The following TMEM62 variants were observed in gnomAD, a reference collection of about 807,000 sequenced individuals.
TMEM62 encodes transmembrane protein 62.
Under a neutral mutation model 70.4 loss-of-function variants are expected in TMEM62, and 41 were observed. That is an observed-to-expected ratio of 0.58 (90% CI 0.45 to 0.76). The LOEUF (loss-of-function observed/expected upper bound fraction) is 0.76. Ranked by LOEUF, TMEM62 falls within the 30% of genes least tolerant of loss-of-function variation. The pLI is 0.00. For synonymous variants in TMEM62, 268 were observed against 291.0 expected (o/e 0.92, Z 0.80); for missense variants, 688 against 788.5 (o/e 0.87, Z 1.53).
At chr15:43,165,893 T>C (rs2039355579) in intron 10 of TMEM62, among the ~76,000 whole-genome samples, 2 of 152,238 alleles carry the variant, frequency 1.3e-5, no homozygotes, top group African/African-American at 4.8e-5. Context: ...CACATAACTC[T>C]GTCACTCCAG....
At chr15:43,142,109 T>C (rs967762500) in intron 4 of TMEM62, among the ~76,000 whole-genome samples, 2 of 152,128 alleles carry the variant, frequency 1.3e-5, no homozygotes, top group Admixed American at 6.5e-5. Flanking sequence ...TTGGAGAGGA[T>C]TGGATTTCTT....
At chr15:43,167,792 T>C (rs889899718) in intron 10 of TMEM62, among the ~76,000 whole-genome samples, 14 of 152,214 alleles carry the variant, frequency 9.2e-5, no homozygotes, top group African/African-American at 3.4e-4. Flanking sequence ...GTCGAGGTTG[T>C]AGCGAGCCGA....
intron 12 of TMEM62, chr15:43,180,955 T>C (rs8040769): frequency 0.03 from 13,813 of 460,870 alleles, 1,435 homozygotes; most frequent in African/African-American, 0.23. Flanking sequence ...ATATCTGTTC[T>C]AGGTATAGTG....
At chr15:43,167,821 C>T (rs2039700090) in intron 10 of TMEM62, among the ~76,000 whole-genome samples, 1 of 152,200 alleles carries the variant, frequency 6.6e-6, no homozygotes, top group Admixed American at 6.5e-5. Context: ...CACTGCACTC[C>T]AGCCTGGGCA....
chr15:43,147,068 A>G (rs1194555081), intron 5 of TMEM62, among the ~76,000 whole-genome samples: 2 of 152,170 alleles, frequency 1.3e-5, no homozygotes, highest in Non-Finnish European at 2.9e-5. Context: ...GGCTCAAGCA[A>G]TTCTTGTGCC....
chr15:43,168,682 G>T (rs1028373425), intron 10 of TMEM62, among the ~76,000 whole-genome samples: 3 of 152,148 alleles, frequency 2.0e-5, no homozygotes, highest in Admixed American at 2.0e-4. Flanking sequence ...GAGAGTTGGG[G>T]GATGGGTGAC....
At position 43,146,562 on chromosome 15, in the gene TMEM62, G is replaced by A. The variant is rs952983721; in HGVS notation, c.546G>A (p.Ser182=). 3.1e-6 allele frequency: 5 copies of A among 1,613,254 alleles called. No individual in the cohort carries two copies. The highest frequency in any genetic ancestry group is 4.5e-5 in the East Asian group (2 of 44,876). ...YVHSTPFGNY[S]FICVDATVNP... is the part of the protein sequence containing the mutation. ...ACAGTACTCCCTTTGGCAACTATTC[G>A]TTCATCTGTGTAGATGCCACTGTAA... The change falls in exon 5 of 14, where the codon TCG becomes TCA. Residue 182 remains serine, a synonymous_variant. Transcript: ENST00000260403.
chr15:43,164,553 T>A (rs1333017087), intron 10 of TMEM62, among the ~76,000 whole-genome samples: 1 of 150,780 alleles, frequency 6.6e-6, no homozygotes, highest in Non-Finnish European at 1.5e-5. Flanking sequence ...AGAGACGGGG[T>A]CTCACTTTGT....
chr15:43,136,830 C>T (rs1358348743), intron 3 of TMEM62, among the ~76,000 whole-genome samples: 2 of 152,098 alleles, frequency 1.3e-5, no homozygotes, highest in Non-Finnish European at 2.9e-5. Flanking sequence ...TAGCTCATTG[C>T]AGCCTTGACC....
Position 43,181,277 on chromosome 15 carries a change from C to T in TMEM62, c.1583C>T (p.Thr528Ile), listed in dbSNP as rs551716295. 148 of 1,611,680 alleles carry T rather than the reference C, an allele frequency of 9.2e-5. 1 individual carries two copies. The South Asian group carries it at 1.5e-3, about 16-fold the overall frequency. ...GGACATTTCCTACAAGGCAGCATAA[C>T]ATTTATAATTGGAATTCTCCAGGTA... ...VNGHFLQGSI[T>I]FIIGILQLAF... Residue 528 changes from threonine to isoleucine, a missense_variant, in exon 13 of 14, where the codon ACA (threonine) becomes ATA (isoleucine). Coordinates refer to ENST00000260403, the MANE Select transcript of TMEM62 (RefSeq NM_024956.4).
chr15:43,140,855 G>A (rs866877568), intron 4 of TMEM62, among the ~76,000 whole-genome samples: 2 of 152,138 alleles, frequency 1.3e-5, no homozygotes, highest in African/African-American at 2.4e-5. Flanking sequence ...ACCCGCGCCC[G>A]GCTTCTGATA....
chr15:43,173,744 C>G (rs573272499), intron 11 of TMEM62, among the ~76,000 whole-genome samples: 2 of 152,012 alleles, frequency 1.3e-5, no homozygotes, highest in Non-Finnish European at 2.9e-5. Context: ...TCCCTATAGT[C>G]CTTTCTCACA....
chr15:43,143,676 G>A (rs1222758282), intron 4 of TMEM62, among the ~76,000 whole-genome samples: 1 of 152,164 alleles, frequency 6.6e-6, no homozygotes, highest in Admixed American at 6.5e-5. Flanking sequence ...TAGTCACCTG[G>A]CTGCTTTATC....
At chr15:43,167,158 C>CA (rs1351991412) in intron 10 of TMEM62, among the ~76,000 whole-genome samples, 1 of 147,984 alleles carries the variant, frequency 6.8e-6, no homozygotes, top group Non-Finnish European at 1.5e-5. Context: ...GCTGGCCAGG[C>CA]GGGGGGCTGA....
intron 4 of TMEM62, among the ~76,000 whole-genome samples, chr15:43,139,514 A>G (rs1358450778): frequency 6.6e-6 from 1 of 152,232 alleles, no homozygotes; most frequent in Non-Finnish European, 1.5e-5. Context: ...GCTGAAAGCT[A>G]GGCCTCTTGA....
intron 11 of TMEM62, among the ~76,000 whole-genome samples, chr15:43,175,199 T>C (rs2142036720): frequency 6.6e-6 from 1 of 152,328 alleles, no homozygotes; most frequent in Non-Finnish European, 1.5e-5. Context: ...ATATGTAGGC[T>C]AATACTTTGA....
At chr15:43,152,919 T>C (rs2037575422) in intron 8 of TMEM62, among the ~76,000 whole-genome samples, 1 of 152,226 alleles carries the variant, frequency 6.6e-6, no homozygotes, top group South Asian at 2.1e-4. Context: ...CTTCTGAGTA[T>C]TTCTTCTCAG....
rs761497110 is a variant in TMEM62 at position 43,184,361 on chromosome 15, C to G, written c.1707C>G (p.Tyr569Ter). 7 of 1,614,182 alleles carry G rather than the reference C, an allele frequency of 4.3e-6. No individual in the cohort carries two copies. Among genetic ancestry groups the G allele is most frequent in the Non-Finnish European group, 5.9e-6 (7 of 1,180,016 alleles). ...GGTCTCATCTCCATCAAAGAAAATACTTGAAAATTATGCCTGTTCACCTAC... is the reference window on the plus strand; with the variant it reads ...GGTCTCATCTCCATCAAAGAAAATAGTTGAAAATTATGCCTGTTCACCTAC... ...NFRSHLHQRK[Y>*]LKIMPVHLLM... is the part of the protein sequence containing the mutation. The change falls in exon 14 of 14, where the codon TAC (tyrosine) becomes TAG (stop). Residue 569 changes from tyrosine to a stop codon, truncating the protein, a stop_gained. Transcript: ENST00000260403. LOFTEE classifies it high-confidence loss of function.
At chr15:43,165,372 A>G (rs1431117635) in intron 10 of TMEM62, among the ~76,000 whole-genome samples, 1 of 152,042 alleles carries the variant, frequency 6.6e-6, no homozygotes, top group African/African-American at 2.4e-5. Context: ...CAGTTTGTCA[A>G]TTTAATCTTT....
Sources: gnomAD v4.1 joint callset for allele counts (sites outside exome capture counted in the v4.1 genomes callset) on GRCh38, gnomAD v4.1.1 for gene constraint, MANE v1.5 for transcripts, NCBI Gene and HGNC (gene_info 2026-07-23, HGNC 2026-07-21) for gene names.